ST8SIA6: variants seen among roughly 807,000 people sequenced by gnomAD.
The protein encoded by ST8SIA6 is alpha-2,8-sialyltransferase 8F.
In ST8SIA6, 39 loss-of-function variants were observed where a neutral mutation model predicts 33.6. That is an observed-to-expected ratio of 1.16 (90% CI 0.90 to 1.52). The LOEUF (loss-of-function observed/expected upper bound fraction) is 1.52, where lower values mean the gene tolerates loss of function less well. Ranked by LOEUF, ST8SIA6 falls within the 40% of genes most tolerant of loss-of-function variation. The pLI, the probability that ST8SIA6 is intolerant of heterozygous loss-of-function variation, is 0.00. For missense variants in ST8SIA6, 441 were observed against 443.8 expected, an observed-to-expected ratio of 0.99 and a Z score of 0.06; for synonymous variants, 172 against 167.2, an observed-to-expected ratio of 1.03 and a Z score of -0.22.
chr10:17,433,979 T>C (rs779787718), intron 2 of ST8SIA6, among the ~76,000 whole-genome samples: 25 of 152,286 alleles, frequency 1.6e-4, no homozygotes, highest in Non-Finnish European at 3.4e-4. Flanking sequence ...GCAAATGTCT[T>C]CTTCCCTGCT....
chr10:17,333,717 A>ATAGATATATATATATATTTTT (rs1251981910), intron 4 of ST8SIA6, among the ~76,000 whole-genome samples: 1 of 33,754 alleles, frequency 3.0e-5, no homozygotes, highest in African/African-American at 1.7e-4. Flanking sequence ...ATATATATAT[A>ATAGATATATATATATATTTTT]TTTTTTTTTT....
intron 4 of ST8SIA6, among the ~76,000 whole-genome samples, chr10:17,338,374 G>A (rs908068706): frequency 1.3e-5 from 2 of 152,196 alleles, no homozygotes; most frequent in Non-Finnish European, 2.9e-5. Context: ...GGTTGAGAGA[G>A]GGTAAGTTAT....
At chr10:17,399,711 G>A (rs1173840561) in intron 2 of ST8SIA6, among the ~76,000 whole-genome samples, 1 of 151,846 alleles carries the variant, frequency 6.6e-6, no homozygotes, top group Non-Finnish European at 1.5e-5. Context: ...GAGCCTAGGA[G>A]TTTGAGACCA....
At chr10:17,390,333 C>T in intron 3 of ST8SIA6, among the ~76,000 whole-genome samples, 198 bp downstream of exon 3, 1 of 152,114 alleles carries the variant, frequency 6.6e-6, no homozygotes, top group East Asian at 1.9e-4. Context: ...TAAGTTGAGT[C>T]CCACTGCCAG....
intron 2 of ST8SIA6, among the ~76,000 whole-genome samples, chr10:17,439,768 G>C (rs1852405509): frequency 6.6e-6 from 1 of 152,166 alleles, no homozygotes; most frequent in Non-Finnish European, 1.5e-5. Flanking sequence ...GAGACTCCCA[G>C]GCCAACGGCA....
At chr10:17,405,092 G>A (rs1364734471) in intron 2 of ST8SIA6, among the ~76,000 whole-genome samples, 2 of 152,170 alleles carry the variant, frequency 1.3e-5, no homozygotes, top group African/African-American at 4.8e-5. Flanking sequence ...ATTCTCCTTT[G>A]AACTGGTTAT....
chr10:17,328,992 G>A (rs1848218257), intron 5 of ST8SIA6, among the ~76,000 whole-genome samples: 1 of 152,130 alleles, frequency 6.6e-6, no homozygotes, highest in Non-Finnish European at 1.5e-5. Context: ...CAGTTTACCA[G>A]CCCAACTGAC....
In ST8SIA6 at chr10:17,418,803, G is replaced by C. The variant is rs1163843088; in HGVS notation, c.201-28183C>G. Among the ~76,000 whole-genome samples the C allele has an allele frequency of 2.6e-5, 4 of 152,082 alleles. No homozygotes were observed. In the South Asian group the frequency reaches 8.3e-4, roughly 32 times the overall value. On this transcript the variant is annotated intron_variant, in intron 2 of 7. Transcript: ENST00000377602. The stretch of plus-strand genomic sequence containing the variant: ...AGGTCAGGAGTTCGAGACCAGCATG[G>C]CCAACATGGCGAAACCCCGTCTCTA...
At chr10:17,351,971 C>T (rs1176425162) in intron 4 of ST8SIA6, among the ~76,000 whole-genome samples, 1 of 151,922 alleles carries the variant, frequency 6.6e-6, no homozygotes, top group Non-Finnish European at 1.5e-5. Flanking sequence ...CATTGCACAA[C>T]ATGGTGACCA....
chr10:17,441,006 CT>C (rs1171984945), intron 2 of ST8SIA6, among the ~76,000 whole-genome samples: 1 of 152,044 alleles, frequency 6.6e-6, no homozygotes, highest in African/African-American at 2.4e-5. Context: ...GGATACAAGT[CT>C]TTTATTGGAT....
chr10:17,417,614 C>A (rs1464621527), intron 2 of ST8SIA6, among the ~76,000 whole-genome samples: 1 of 151,984 alleles, frequency 6.6e-6, no homozygotes, highest in Admixed American at 6.6e-5. Context: ...TTCTCCAGCA[C>A]CAAGCACAGA....
chr10:17,435,310 C>T (rs1852217264), intron 2 of ST8SIA6, among the ~76,000 whole-genome samples: 1 of 152,134 alleles, frequency 6.6e-6, no homozygotes, highest in South Asian at 2.1e-4. Flanking sequence ...CCTAAATGTC[C>T]AGAAAGCTTT....
intron 3 of ST8SIA6, chr10:17,387,207 C>G (rs377448190): frequency 1.3e-5 from 2 of 151,994 alleles, no homozygotes; most frequent in African/African-American, 4.8e-5. Context: ...ATTCCCCTTG[C>G]AAGCTTAAGG....
chr10:17,334,744 C>T (rs1848451676), intron 4 of ST8SIA6, among the ~76,000 whole-genome samples: 2 of 151,888 alleles, frequency 1.3e-5, no homozygotes, highest in Non-Finnish European at 2.9e-5. Flanking sequence ...AAATTAATAC[C>T]AAGCTACGTT....
intron 6 of ST8SIA6, among the ~76,000 whole-genome samples, chr10:17,324,440 CA>C (rs1170662602): frequency 1.3e-5 from 2 of 151,868 alleles, no homozygotes; most frequent in Non-Finnish European, 2.9e-5. Flanking sequence ...GGTACTAGGC[CA>C]TAAAGGTGAT....
intron 6 of ST8SIA6, among the ~76,000 whole-genome samples, chr10:17,325,743 A>G (rs556584724): frequency 1.3e-4 from 20 of 152,276 alleles, no homozygotes; most frequent in African/African-American, 4.6e-4. Context: ...TCAAATGGCT[A>G]GTTTTAAAGG....
chr10:17,331,701 C>G (rs1848307412), intron 4 of ST8SIA6, 149 bp from the exon 5 acceptor site: 2 of 778,256 alleles, frequency 2.6e-6, no homozygotes, highest in African/African-American at 1.8e-5. Context: ...GATTTTTGTC[C>G]TCCAGGTTTC....
In ST8SIA6 at chr10:17,320,002, T is replaced by C. The variant is rs1439635782; in HGVS notation, c.*876A>G. ...CATCATAATTAATGATATGCACATCTGTTTTCTCCTACAAGAGGCAATAAT... is the reference window on the plus strand; with the variant it reads ...CATCATAATTAATGATATGCACATCCGTTTTCTCCTACAAGAGGCAATAAT... On this transcript the variant is annotated 3_prime_UTR_variant, in exon 8 of 8. Coordinates refer to ENST00000377602, the MANE Select transcript of ST8SIA6 (RefSeq NM_001004470.3). 6.6e-6 allele frequency: 1 copy of C among 152,228 alleles called. No individual in the cohort carries two copies. Among genetic ancestry groups the C allele is most frequent in the Non-Finnish European group, 1.5e-5 (1 of 68,054 alleles). 9.4% of individuals were successfully genotyped at this position (152,228 alleles called of 1,614,324 possible).
At chr10:17,415,158 C>T (rs542778984) in intron 2 of ST8SIA6, among the ~76,000 whole-genome samples, 1 of 152,312 alleles carries the variant, frequency 6.6e-6, no homozygotes, top group South Asian at 2.1e-4. Flanking sequence ...ACTGCTTCCC[C>T]TTCCTCAACA....
Sources: gnomAD v4.1 joint callset for allele counts (sites outside exome capture counted in the v4.1 genomes callset) on GRCh38, gnomAD v4.1.1 for gene constraint, MANE v1.5 for transcripts, NCBI Gene and HGNC (gene_info 2026-07-23, HGNC 2026-07-21) for gene names.